SVIL: variants seen among roughly 807,000 people sequenced by gnomAD.
SVIL encodes the protein supervillin.
Under a neutral mutation model 240.4 loss-of-function variants are expected in SVIL, and 101 were observed. The observed-to-expected ratio is 0.42, with a 90% CI of 0.36 to 0.50. SVIL has a LOEUF of 0.50. SVIL is among the 20% of genes least tolerant of loss of function. SVIL has a pLI of 0.01. For missense variants in SVIL, 2,512 were observed against 2,818.7 expected (o/e 0.89, Z 2.46); for synonymous variants, 999 against 1,100.0 (o/e 0.91, Z 1.82).
chr10:29,542,285 G>T (rs1589176295), intron 6 of SVIL, among the ~76,000 whole-genome samples: 1 of 152,334 alleles, frequency 6.6e-6, no homozygotes, highest in East Asian at 1.9e-4. Flanking sequence ...ACTTGAAATT[G>T]TTGGATATTC....
In SVIL at chr10:29,470,319, T is replaced by C; in HGVS notation, c.5800A>G (p.Thr1934Ala). 1 of 1,614,078 alleles carries C rather than the reference T, an allele frequency of 6.2e-7. No individual in the cohort carries two copies. Among genetic ancestry groups the C allele is most frequent in the Admixed American group, 1.7e-5 (1 of 60,010 alleles). The change falls in exon 32 of 38, where the codon ACG becomes GCG. Residue 1934 changes from threonine (T) to alanine (A), a missense_variant. Coordinates refer to ENST00000355867, the MANE Select transcript of SVIL (RefSeq NM_021738.3). ...LWHGCKAQAH[T>A]KEVGRTAANK... ...GCAGCGGTCCTTCCGACCTCCTTCG[T>C]GTGGGCCTGGGCTTTGCATCCGTGC... is the stretch of plus-strand genomic sequence containing the variant.
intron 1 of SVIL, among the ~76,000 whole-genome samples, chr10:29,588,536 T>C (rs943407388): frequency 3.3e-5 from 5 of 152,350 alleles, no homozygotes; most frequent in Middle Eastern, 3.4e-3. Flanking sequence ...AGGGCCATTA[T>C]GTTGGGGATG....
At chr10:29,540,878 G>T (rs1175688000) in intron 6 of SVIL, among the ~76,000 whole-genome samples, 1 of 152,208 alleles carries the variant, frequency 6.6e-6, no homozygotes, top group African/African-American at 2.4e-5. Context: ...TCAGGCAGTG[G>T]AAGGTTGTGG....
At chr10:29,718,250 C>G (rs1963752985) in intron 1 of SVIL, among the ~76,000 whole-genome samples, 2 of 151,742 alleles carry the variant, frequency 1.3e-5, no homozygotes, top group Non-Finnish European at 2.9e-5. Flanking sequence ...CGCTTGAACC[C>G]AGGAGGTGGA....
chr10:29,475,340 C>T (rs1588875512), intron 29 of SVIL: 1 of 152,226 alleles, frequency 6.6e-6, no homozygotes, highest in Admixed American at 6.5e-5. Flanking sequence ...TTACTACAGA[C>T]ATCCAAATCT....
Position 29,659,331 on chromosome 10 carries a change from A to G in SVIL, c.-300-1263T>C, listed in dbSNP as rs149320301. On this transcript the variant is annotated intron_variant, in intron 2 of 35. Coordinates refer to the SVIL transcript ENST00000375400. The stretch of plus-strand genomic sequence containing the variant: ...TTTGGGAAGTCTTTTGTCTTAGGCT[A>G]TTGAGTTCCATCTTCTCATCTCCTC... 6.6e-3 allele frequency among the ~76,000 whole-genome samples: 1,003 copies of G among 152,290 alleles called. 8 individuals carry two copies. The highest frequency in any genetic ancestry group is 0.02 in the Middle Eastern group (6 of 294).
intron 26 of SVIL, among the ~76,000 whole-genome samples, chr10:29,485,585 T>C (rs2132375411): frequency 6.6e-6 from 1 of 152,334 alleles, no homozygotes; most frequent in Non-Finnish European, 1.5e-5. Flanking sequence ...TCTAATACTC[T>C]TCCACCCAAT....
chr10:29,554,868 G>A lies in SVIL; in HGVS notation c.75C>T (p.Ser25=), dbSNP rs1164311360. The A allele has an allele frequency of 5.0e-6, 8 of 1,613,780 alleles. No individual in the cohort carries two copies. The highest frequency in any genetic ancestry group is 6.8e-6 in the Non-Finnish European group (8 of 1,179,928). Residue 25 remains serine (S), a synonymous_variant, in exon 5 of 38, where the codon AGC becomes AGT. Transcript: ENST00000355867. ...GGCGGTGAGTCACCAATCCTGTGCA[G>A]CTCTGCAAGAGGATGGGCTGAGTGT... ...ENDTQPILLQ[S]CTGLVTHRLL...
chr10:29,646,790 G>A (rs1958671143), intron 3 of SVIL, among the ~76,000 whole-genome samples: 3 of 152,168 alleles, frequency 2.0e-5, no homozygotes, highest in South Asian at 4.1e-4. Context: ...GGGAACCCAC[G>A]AGGCAAACAT....
intron 1 of SVIL, among the ~76,000 whole-genome samples, chr10:29,693,298 T>C (rs1961657312): frequency 6.7e-6 from 1 of 148,886 alleles, no homozygotes; most frequent in East Asian, 2.0e-4. Context: ...CTGTTTTGTG[T>C]ATTTATTTGG....
intron 2 of SVIL, among the ~76,000 whole-genome samples, chr10:29,566,986 T>C (rs116677638): frequency 4.4e-4 from 67 of 152,350 alleles, no homozygotes; most frequent in African/African-American, 1.5e-3. Flanking sequence ...GATACTAAAG[T>C]TAGTGCTGTC....
chr10:29,501,002 G>C (rs1341780837), intron 17 of SVIL, among the ~76,000 whole-genome samples: 2 of 152,134 alleles, frequency 1.3e-5, no homozygotes, highest in Non-Finnish European at 2.9e-5. Flanking sequence ...GTCTGCACTG[G>C]GAAGATTTGG....
intron 37 of SVIL, 23 bp downstream of exon 37, chr10:29,458,411 A>AC (rs1943813514): frequency 6.3e-7 from 1 of 1,594,992 alleles, no homozygotes; most frequent in East Asian, 2.3e-5. Flanking sequence ...TCCCATCCCC[A>AC]CCCCACCGGA....
chr10:29,674,529 A>C (rs1033087576), intron 2 of SVIL, among the ~76,000 whole-genome samples: 1 of 152,192 alleles, frequency 6.6e-6, no homozygotes, highest in Non-Finnish European at 1.5e-5. Flanking sequence ...ATCTTCTTGG[A>C]GTTACTTATA....
chr10:29,458,680 CCTGCATA>C, intron 36 of SVIL, 91 bp from the exon 37 acceptor site: 1 of 1,414,964 alleles, frequency 7.1e-7, no homozygotes, highest in Non-Finnish European at 9.6e-7. Flanking sequence ...CCCTGTGCCA[CCTGCATA>C]CTGCCTGAGG....
chr10:29,527,166 G>A, intron 12 of SVIL, 110 bp from the exon 13 acceptor site: 1 of 1,003,408 alleles, frequency 1.0e-6, no homozygotes, highest in South Asian at 1.5e-5. Flanking sequence ...AATTTTAACA[G>A]AATATTTTGC....
chr10:29,732,993 G>A (rs1703250249), intron 1 of SVIL, among the ~76,000 whole-genome samples: 1 of 152,074 alleles, frequency 6.6e-6, no homozygotes, highest in Admixed American at 6.5e-5. Flanking sequence ...TACAGTTCTG[G>A]AGCTCCTTGT....
chr10:29,572,715 G>A (rs990451024), intron 1 of SVIL, among the ~76,000 whole-genome samples: 1 of 139,844 alleles, frequency 7.2e-6, no homozygotes, highest in African/African-American at 2.7e-5. Context: ...AGTGAGCCAT[G>A]GTTGCACCAC....
intron 1 of SVIL, among the ~76,000 whole-genome samples, chr10:29,714,948 TAAA>T (rs61107910): frequency 0.011 from 849 of 78,438 alleles, 4 homozygotes; most frequent in Non-Finnish European, 0.018. Context: ...TGTCTGAAAT[TAAA>T]AAAAAAAAAA....
Sources: gnomAD v4.1 joint callset for allele counts (sites outside exome capture counted in the v4.1 genomes callset) on GRCh38, gnomAD v4.1.1 for gene constraint, MANE v1.5 for transcripts, NCBI Gene and HGNC (gene_info 2026-07-23, HGNC 2026-07-21) for gene names.